ZFP69B: variants seen among roughly 807,000 people sequenced by gnomAD.
ZFP69B encodes the protein zinc finger protein 69 homolog B.
Under a neutral mutation model 19.7 loss-of-function variants are expected in ZFP69B, and 20 were observed. The ratio of observed to expected loss-of-function variants is 1.02; its 90% CI spans 0.71 to 1.48. The LOEUF is 1.48. ZFP69B is among the 40% of genes most tolerant of loss of function. The pLI, the probability that ZFP69B is intolerant of heterozygous loss-of-function variation, is 0.00. For missense variants in ZFP69B, 583 were observed against 632.6 expected (o/e 0.92, Z 0.84); for synonymous variants, 220 against 222.7 (o/e 0.99, Z 0.11).
intron 4 of ZFP69B, among the ~76,000 whole-genome samples, chr1:40,461,765 A>G (rs997378017): frequency 1.3e-5 from 2 of 152,272 alleles, no homozygotes; most frequent in East Asian, 3.9e-4. Flanking sequence ...ACTGCACTCC[A>G]GTCTGGGTGA....
rs759030884 is a variant in ZFP69B, at chr1:40,462,579, C to A, written c.595C>A (p.Gln199Lys). 6.2e-7 allele frequency: 1 copy of A among 1,613,918 alleles called. No individual in the cohort carries two copies. Among genetic ancestry groups the A allele is most frequent in the East Asian group, 2.2e-5 (1 of 44,870 alleles). The stretch of plus-strand genomic sequence containing the variant: ...CAAATGTAATAAGCTAGAAAGCCAA[C>A]AAGAGAACCAAAGAATGGGTAAGGG... ...ISKCNKLESQ[Q>K]ENQRMGKGQI... The change falls in exon 5 of 5, where the codon CAA becomes AAA. Residue 199 changes from glutamine (Q) to lysine (K), a missense_variant. Transcript: ENST00000361584.
intron 4 of ZFP69B, among the ~76,000 whole-genome samples, chr1:40,461,001 C>T (rs1242168511): frequency 7.1e-6 from 1 of 140,032 alleles, no homozygotes; most frequent in East Asian, 2.1e-4. Context: ...AAAAAAAAAG[C>T]CAGGTGTGGT....
intron 1 of ZFP69B, among the ~76,000 whole-genome samples, chr1:40,451,933 T>G (rs532670363): frequency 1.6e-4 from 24 of 152,076 alleles, no homozygotes; most frequent in Admixed American, 4.6e-4. Flanking sequence ...GAGACCAGCC[T>G]GGCCAACATG....
chr1:40,462,559 G>A lies in ZFP69B; in HGVS notation c.575G>A (p.Cys192Tyr), dbSNP rs1307597978. The A allele has an allele frequency of 6.2e-7, 1 of 1,614,122 alleles. No homozygotes were observed. Among genetic ancestry groups the A allele is most frequent in the South Asian group, 1.1e-5 (1 of 91,074 alleles). Reference sequence around the variant, plus strand: ...TCCACCTTGGGAAGAATCTCCAAATGTAATAAGCTAGAAAGCCAACAAGAG... The same window carrying A: ...TCCACCTTGGGAAGAATCTCCAAATATAATAAGCTAGAAAGCCAACAAGAG... Reference protein sequence around the residue: ...MYSTLGRISKCNKLESQQENQ... With the variant: ...MYSTLGRISKYNKLESQQENQ... Residue 192 changes from cysteine to tyrosine, a missense_variant, in exon 5 of 5, where the codon TGT becomes TAT. By Grantham distance (194) the Cys-to-Tyr change is radical. Transcript: ENST00000361584.
At position 40,463,314 on chromosome 1, in the gene ZFP69B, G is replaced by A. The variant is rs1645310178; in HGVS notation, c.1330G>A (p.Glu444Lys). 3.1e-6 allele frequency: 5 copies of A among 1,614,034 alleles called. No individual in the cohort carries two copies. Among genetic ancestry groups the A allele is most frequent in the Non-Finnish European group, 4.2e-6 (5 of 1,180,030 alleles). Reference protein sequence around the residue: ...LTQHQRTHTGERPYKCKECGK... With the variant: ...LTQHQRTHTGKRPYKCKECGK... The stretch of plus-strand genomic sequence containing the variant: ...TCAACACCAGAGAACTCATACTGGA[G>A]AAAGACCATATAAATGTAAGGAATG... The change falls in exon 5 of 5, where the codon GAA (glutamate) becomes AAA (lysine). Residue 444 changes from glutamate to lysine, a missense_variant. Glu to Lys is a moderately conservative substitution (Grantham distance 56). Coordinates refer to ENST00000361584, the MANE Select transcript of ZFP69B (RefSeq NM_023070.3).
chr1:40,453,369 C>A (rs187296348), intron 1 of ZFP69B, among the ~76,000 whole-genome samples: 1 of 152,072 alleles, frequency 6.6e-6, no homozygotes, highest in African/African-American at 2.4e-5. Flanking sequence ...GAGCAAGGTA[C>A]AGTTTCTATC....
upstream of ZFP69B, among the ~76,000 whole-genome samples, chr1:40,450,337 G>C (rs1216483872): frequency 6.6e-6 from 1 of 152,248 alleles, no homozygotes; most frequent in Non-Finnish European, 1.5e-5. Context: ...TTGTGGGGAG[G>C]ACTTAGCCTC....
chr1:40,460,299 A>G (rs1434463928), intron 4 of ZFP69B, among the ~76,000 whole-genome samples: 1 of 152,176 alleles, frequency 6.6e-6, no homozygotes, highest in African/African-American at 2.4e-5. Flanking sequence ...GACAAGTCAA[A>G]TTATGTTATG....
In ZFP69B at chr1:40,462,682, A is replaced by T; in HGVS notation, c.698A>T (p.Asn233Ile). The T allele has an allele frequency of 6.2e-7, 1 of 1,614,152 alleles. No homozygotes were observed. The highest frequency in any genetic ancestry group is 8.5e-7 in the Non-Finnish European group (1 of 1,180,028). ...QESNRFEKRI[N>I]VKSEVMPGPI... ...TCTAATAGATTTGAGAAAAGAATTA[A>T]TGTGAAGTCAGAAGTTATGCCAGGA... Residue 233 changes from asparagine (N) to isoleucine (I), a missense_variant, in exon 5 of 5, where the codon AAT becomes ATT. Physicochemically the swap from Asn to Ile is moderately radical, Grantham distance 149. Coordinates refer to ENST00000361584, the MANE Select transcript of ZFP69B (RefSeq NM_023070.3).
Position 40,454,290 on chromosome 1 carries a change from T to G in ZFP69B, c.213+2T>G. 6.4e-7 allele frequency: 1 copy of G among 1,565,028 alleles called. No homozygotes were observed. On this transcript the variant is annotated splice_donor_variant, in intron 2 of 4. Transcript: ENST00000361584. LOFTEE classifies it high-confidence loss of function. ...GGATCCCTGACAGCAGAATCCCAGG[T>G]GGGTTGGAGTTTCTGGTCACTTTCT...
intron 1 of ZFP69B, 52 bp downstream of exon 1, chr1:40,451,140 G>A (rs1645182341): frequency 6.9e-7 from 1 of 1,441,950 alleles, no homozygotes. Context: ...CCTCTAGTGT[G>A]AGAAGGAATG....
chr1:40,463,559 T>G lies in ZFP69B; in HGVS notation c.1575T>G (p.His525Gln). The G allele has an allele frequency of 3.1e-6, 5 of 1,610,848 alleles. No individual in the cohort carries two copies. Among genetic ancestry groups the G allele is most frequent in the Non-Finnish European group, 4.2e-6 (5 of 1,178,372 alleles). Reference protein sequence around the residue: ...SSSLIRHCKTHLRNTFSNVV With the variant: ...SSSLIRHCKTQLRNTFSNVV Reference sequence around the variant, plus strand: ...CCCTTATTAGACACTGCAAAACACATTTAAGAAATACCTTCAGCAATGTTG... The same window carrying G: ...CCCTTATTAGACACTGCAAAACACAGTTAAGAAATACCTTCAGCAATGTTG... The change falls in exon 5 of 5, where the codon CAT (histidine) becomes CAG (glutamine). Residue 525 changes from histidine to glutamine, a missense_variant. Physicochemically the swap from His to Gln is conservative, Grantham distance 24. Coordinates refer to ENST00000361584, the MANE Select transcript of ZFP69B (RefSeq NM_023070.3).
Position 40,462,405 on chromosome 1 carries a change from T to C in ZFP69B, c.437-16T>C, listed in dbSNP as rs964300164. 6 of 1,555,116 alleles carry C rather than the reference T, an allele frequency of 3.9e-6. No homozygotes were observed. Among genetic ancestry groups the C allele is most frequent in the Non-Finnish European group, 5.2e-6 (6 of 1,159,046 alleles). ...GTGCAAGGAATATGGATCTTTTTTT[T>C]TATTATTTCTTTCAGACTTGAAGAG... is the stretch of plus-strand genomic sequence containing the variant. On this transcript the variant is annotated splice_polypyrimidine_tract_variant and intron_variant, in intron 4 of 4. Coordinates refer to ENST00000361584, the MANE Select transcript of ZFP69B (RefSeq NM_023070.3).
In ZFP69B at chr1:40,463,668, T is replaced by A; in HGVS notation, c.*79T>A. Reference sequence around the variant, plus strand: ...GTTCCCTGATCCCTCAAAAATCCATTTGTTTTTGGATTTCCAAAAACGAAC... The same window carrying A: ...GTTCCCTGATCCCTCAAAAATCCATATGTTTTTGGATTTCCAAAAACGAAC... On this transcript the variant is annotated 3_prime_UTR_variant, in exon 5 of 5. Coordinates refer to ENST00000361584, the MANE Select transcript of ZFP69B (RefSeq NM_023070.3). 1.5e-6 allele frequency: 2 copies of A among 1,352,134 alleles called. No homozygotes were observed. Among genetic ancestry groups the A allele is most frequent in the Non-Finnish European group, 2.0e-6 (2 of 1,003,640 alleles). 83.8% of individuals were successfully genotyped at this position (1,352,134 alleles called of 1,614,324 possible).
chr1:40,459,818 G>A (rs1292294688), intron 4 of ZFP69B, among the ~76,000 whole-genome samples: 1 of 151,980 alleles, frequency 6.6e-6, no homozygotes, highest in African/African-American at 2.4e-5. Flanking sequence ...AGCTATTTCT[G>A]AGCACTTTTT....
intron 1 of ZFP69B, among the ~76,000 whole-genome samples, chr1:40,452,401 T>G (rs1645194733): frequency 6.6e-6 from 1 of 152,216 alleles, no homozygotes; most frequent in African/African-American, 2.4e-5. Flanking sequence ...TACAAGGTAT[T>G]CCTACCAAAA....
chr1:40,455,304 G>T (rs1278266660), intron 2 of ZFP69B, among the ~76,000 whole-genome samples: 1 of 152,188 alleles, frequency 6.6e-6, no homozygotes, highest in Admixed American at 6.5e-5. Context: ...AAACATAAGA[G>T]GGTATTATTA....
At chr1:40,451,862 G>A (rs1645190134) in intron 1 of ZFP69B, among the ~76,000 whole-genome samples, 2 of 152,192 alleles carry the variant, frequency 1.3e-5, no homozygotes, top group Non-Finnish European at 2.9e-5. Context: ...TGTAATCCCA[G>A]CAATTTGGGA....
Position 40,463,319 on chromosome 1 carries a change from A to G in ZFP69B, c.1335A>G (p.Arg445=), listed in dbSNP as rs1172620391. The G allele has an allele frequency of 1.9e-6, 3 of 1,614,188 alleles. No homozygotes were observed. The highest frequency in any genetic ancestry group is 1.3e-5 in the African/African-American group (1 of 75,066). The change falls in exon 5 of 5, where the codon AGA becomes AGG. Residue 445 remains arginine (R), a synonymous_variant. Transcript: ENST00000361584. ...ACCAGAGAACTCATACTGGAGAAAG[A>G]CCATATAAATGTAAGGAATGTGGGA... is the stretch of plus-strand genomic sequence containing the variant. The part of the protein sequence containing the change: ...TQHQRTHTGE[R]PYKCKECGKA...
Sources: gnomAD v4.1 joint callset for allele counts (sites outside exome capture counted in the v4.1 genomes callset) on GRCh38, gnomAD v4.1.1 for gene constraint, MANE v1.5 for transcripts, NCBI Gene and HGNC (gene_info 2026-07-23, HGNC 2026-07-21) for gene names.